ARMC2: variants seen among roughly 807,000 people sequenced by gnomAD.
ARMC2 encodes armadillo repeat-containing protein 2.
Under a neutral mutation model 90.3 loss-of-function variants are expected in ARMC2, and 67 were observed. That is an observed-to-expected ratio of 0.74 (90% CI 0.61 to 0.91). ARMC2 has a LOEUF of 0.91. Among genes scored for constraint, ARMC2 ranks in the 40% least tolerant of loss-of-function variants. The pLI is 0.00. For missense variants in ARMC2, 920 were observed against 1,030.9 expected (o/e 0.89, Z 1.47); for synonymous variants, 393 against 393.0 (o/e 1.00, Z 0.00).
the ARMC2 span, among the ~76,000 whole-genome samples, chr6:109,030,620 GAA>G: frequency 2.0e-5 from 3 of 151,862 alleles, no homozygotes; most frequent in Non-Finnish European, 2.9e-5. Context: ...TGTCACAAAG[GAA>G]AAAAATAAGT....
the ARMC2 span, among the ~76,000 whole-genome samples, chr6:109,034,440 T>C: frequency 6.6e-6 from 1 of 152,236 alleles, no homozygotes; most frequent in African/African-American, 2.4e-5. Flanking sequence ...TTATCTCTTA[T>C]TTATCAATTC....
At chr6:108,849,949 G>A (rs1773835232) in intron 1 of ARMC2, among the ~76,000 whole-genome samples, 1 of 152,220 alleles carries the variant, frequency 6.6e-6, no homozygotes, top group Non-Finnish European at 1.5e-5. Flanking sequence ...AAATGATTCA[G>A]AGTTATGGAA....
intron 10 of ARMC2, 139 bp downstream of exon 10, chr6:108,912,697 C>T (rs1446836889): frequency 4.2e-6 from 3 of 712,790 alleles, no homozygotes; most frequent in Non-Finnish European, 7.0e-6. Flanking sequence ...AGCCATAGCC[C>T]ACCTCCACCC....
chr6:108,912,168 A>G (rs564572026), intron 9 of ARMC2, among the ~76,000 whole-genome samples, 167 bp from the exon 10 acceptor site: 9 of 152,326 alleles, frequency 5.9e-5, no homozygotes, highest in African/African-American at 1.9e-4. Flanking sequence ...TATCTTAGCT[A>G]AAAGTAAGCT....
the ARMC2 span, among the ~76,000 whole-genome samples, chr6:109,029,912 A>G: frequency 6.6e-6 from 1 of 152,140 alleles, no homozygotes; most frequent in Non-Finnish European, 1.5e-5. Flanking sequence ...TATTTTGCTG[A>G]GCTTCTTCAA....
At chr6:109,030,062 C>A in the ARMC2 span, among the ~76,000 whole-genome samples, 1 of 152,088 alleles carries the variant, frequency 6.6e-6, no homozygotes, top group Non-Finnish European at 1.5e-5. Flanking sequence ...AATAAAATAG[C>A]CTTTTAACTT....
rs574311543 is a variant in ARMC2 at position 108,964,903 on chromosome 6, AT to A, written c.2286-76del. On this transcript the variant is annotated intron_variant, in intron 16 of 17. Transcript: ENST00000392644. The stretch of plus-strand genomic sequence containing the variant: ...TATACTTACATATCACAGAAGGATA[AT>A]CATTATGCTAACAATATTAAAATTA... 456 of 1,088,626 alleles carry A rather than the reference AT, an allele frequency of 4.2e-4. 3 individuals are homozygous for A. In the African/African-American group the frequency reaches 6.5e-3, roughly 16 times the overall value. 67.4% of individuals were successfully genotyped at this position (1,088,626 alleles called of 1,614,324 possible).
At chr6:108,893,518 C>T (rs1041448552) in intron 5 of ARMC2, among the ~76,000 whole-genome samples, 5 of 152,152 alleles carry the variant, frequency 3.3e-5, no homozygotes, top group Admixed American at 1.3e-4. Flanking sequence ...CTCCCAAAGG[C>T]TAAGCTTTTG....
intron 7 of ARMC2, among the ~76,000 whole-genome samples, chr6:108,902,941 G>C (rs1363571078): frequency 6.6e-6 from 1 of 152,118 alleles, no homozygotes; most frequent in African/African-American, 2.4e-5. Context: ...GCTGAGGCAA[G>C]CAGATCACTT....
chr6:108,965,313 T>C (rs1263425093), intron 17 of ARMC2, among the ~76,000 whole-genome samples, 173 bp downstream of exon 17: 1 of 151,352 alleles, frequency 6.6e-6, no homozygotes, highest in Non-Finnish European at 1.5e-5. Context: ...GAATGCTATT[T>C]ACAGTGGGGA....
chr6:108,921,999 G>A (rs1469091251), intron 10 of ARMC2, among the ~76,000 whole-genome samples: 1 of 152,224 alleles, frequency 6.6e-6, no homozygotes, highest in Non-Finnish European at 1.5e-5. Context: ...GCTTCAATGA[G>A]TCACAAGCTC....
At position 108,910,066 on chromosome 6, in the gene ARMC2, A is replaced by G. The variant is rs371519671; in HGVS notation, c.1024-833A>G. On this transcript the variant is annotated intron_variant, in intron 8 of 17. Coordinates refer to ENST00000392644, the MANE Select transcript of ARMC2 (RefSeq NM_032131.6). ...GAAATTTTGGTATTCATCTTCCTCT[A>G]CTTTTGTGTTTTAATGCAATTACTC... 6.6e-5 allele frequency among the ~76,000 whole-genome samples: 10 copies of G among 151,860 alleles called. No individual in the cohort carries two copies. In the East Asian group the frequency reaches 9.7e-4, roughly 15 times the overall value.
intron 8 of ARMC2, chr6:108,907,480 C>CATT (rs1772882054): frequency 2.7e-6 from 1 of 374,184 alleles, no homozygotes; most frequent in Admixed American, 5.0e-5. Flanking sequence ...TTTTTTTTAC[C>CATT]AGTCATCTTT....
downstream of ARMC2, among the ~76,000 whole-genome samples, chr6:108,979,343 G>A (rs1366300922): frequency 6.6e-6 from 1 of 152,158 alleles, no homozygotes; most frequent in East Asian, 1.9e-4. Context: ...GGCTTGTAGC[G>A]TTTCTGCCGA....
the ARMC2 span, among the ~76,000 whole-genome samples, chr6:108,980,461 G>A: frequency 0.1 from 15,243 of 152,006 alleles, 909 homozygotes; most frequent in Middle Eastern, 0.2. Context: ...GTCAGGATAC[G>A]CGGGTGGCCA....
At chr6:108,904,598 C>T (rs954573623) in intron 8 of ARMC2, among the ~76,000 whole-genome samples, 193 bp downstream of exon 8, 1 of 142,562 alleles carries the variant, frequency 7.0e-6, no homozygotes, top group Non-Finnish European at 1.5e-5. Flanking sequence ...AGGCTGAGTA[C>T]ATAGAAAATG....
Position 108,876,268 on chromosome 6 carries a change from G to A in ARMC2, c.589G>A (p.Asp197Asn). ...AAAGAGTCACCCACTTCAGCTAACT[G>A]ATGATGGAGGCTTCAGTGAAATAAA... ...HLKSHPLQLT[D>N]DGGFSEIKEQ... The change falls in exon 5 of 18, where the codon GAT (aspartate) becomes AAT (asparagine). Residue 197 changes from aspartate (D) to asparagine (N), a missense_variant. Coordinates refer to ENST00000392644, the MANE Select transcript of ARMC2 (RefSeq NM_032131.6). 1 of 1,612,962 alleles carries A rather than the reference G, an allele frequency of 6.2e-7. No individual in the cohort carries two copies. Among genetic ancestry groups the A allele is most frequent in the African/African-American group, 1.3e-5 (1 of 75,030 alleles).
rs201171262 is a variant in ARMC2, at chr6:108,870,495, GAA to G, written c.463+1502_463+1503del. On this transcript the variant is annotated intron_variant, in intron 4 of 17. Coordinates refer to ENST00000392644, the MANE Select transcript of ARMC2 (RefSeq NM_032131.6). ...AGTTAGAATAAAGGAGAAAAAGAAA[GAA>G]AGAGAGAGAGAAAGAGAGAGACAGA... Among the ~76,000 whole-genome samples, 622 of 150,040 alleles carry G rather than the reference GAA, an allele frequency of 4.1e-3. 3 individuals are homozygous for G. The highest frequency in any genetic ancestry group is 0.014 in the African/African-American group (582 of 40,690).
chr6:108,855,107 G>A (rs1417504696), intron 2 of ARMC2, among the ~76,000 whole-genome samples: 1 of 152,098 alleles, frequency 6.6e-6, no homozygotes. Context: ...TCCATTGTCT[G>A]GATGTACCAC....
Sources: allele counts gnomAD v4.1 joint callset (sites outside exome capture counted in the v4.1 genomes callset), GRCh38; gene constraint gnomAD v4.1.1; transcripts MANE v1.5; gene names NCBI Gene and HGNC (gene_info 2026-07-23, HGNC 2026-07-21).